Variants in TNKS observed in about 807,000 individuals in gnomAD.
TNKS encodes the protein poly [ADP-ribose] polymerase tankyrase-1.
A neutral mutation model predicts 135.8 loss-of-function variants in TNKS; 72 were observed. That is an observed-to-expected ratio of 0.53 (90% confidence interval 0.44 to 0.64). The LOEUF (loss-of-function observed/expected upper bound fraction) is 0.64, where lower values mean the gene tolerates loss of function less well. TNKS is among the 30% of genes least tolerant of loss of function. The pLI, the probability that TNKS is intolerant of heterozygous loss-of-function variation, is 0.00. For missense variants in TNKS, 1,769 were observed against 1,674.0 expected (o/e 1.06, Z -0.99); for synonymous variants, 849 against 649.3 (o/e 1.31, Z -4.68).
At chr8:9,579,762 G>A (rs1045515557) in intron 1 of TNKS, among the ~76,000 whole-genome samples, 3 of 152,132 alleles carry the variant, frequency 2.0e-5, no homozygotes, top group African/African-American at 7.2e-5. Context: ...ACTGCGCCCG[G>A]CTTATCAGCA....
At chr8:9,667,361 C>T (rs529632671) in intron 3 of TNKS, among the ~76,000 whole-genome samples, 3 of 152,314 alleles carry the variant, frequency 2.0e-5, no homozygotes, top group East Asian at 1.9e-4. Flanking sequence ...AGGAACCAGG[C>T]CATTGTCTGT....
At chr8:9,746,182 G>A (rs1199930608) in intron 17 of TNKS, among the ~76,000 whole-genome samples, 1 of 152,212 alleles carries the variant, frequency 6.6e-6, no homozygotes, top group African/African-American at 2.4e-5. Flanking sequence ...AAATGTGCCA[G>A]TTGCACCAAA....
At chr8:9,736,125 T>C (rs964830906) in intron 17 of TNKS, among the ~76,000 whole-genome samples, 2 of 150,116 alleles carry the variant, frequency 1.3e-5, no homozygotes, top group Non-Finnish European at 3.0e-5. Flanking sequence ...TACCAATTTC[T>C]TAATTCTACC....
intron 2 of TNKS, among the ~76,000 whole-genome samples, chr8:9,584,240 A>G (rs2129054179): frequency 6.6e-6 from 1 of 150,964 alleles, no homozygotes; most frequent in South Asian, 2.1e-4. Context: ...ACTAATTAGT[A>G]TCCAATTCTT....
At chr8:9,639,673 T>G (rs1207238423) in intron 3 of TNKS, among the ~76,000 whole-genome samples, 1 of 152,194 alleles carries the variant, frequency 6.6e-6, no homozygotes, top group African/African-American at 2.4e-5. Flanking sequence ...TAAATAAACT[T>G]AATTTTAACT....
intron 3 of TNKS, among the ~76,000 whole-genome samples, chr8:9,635,680 T>C (rs1800482974): frequency 6.6e-6 from 1 of 152,242 alleles, no homozygotes; most frequent in Non-Finnish European, 1.5e-5. Flanking sequence ...GCAGATGTAA[T>C]ACCTGAGAAG....
At chr8:9,562,195 C>A (rs1364290409) in intron 1 of TNKS, among the ~76,000 whole-genome samples, 3 of 151,780 alleles carry the variant, frequency 2.0e-5, no homozygotes, top group Non-Finnish European at 4.4e-5. Flanking sequence ...GTTGGGTTAT[C>A]TTTTATTATT....
At chr8:9,742,424 T>A (rs1018386491) in intron 17 of TNKS, among the ~76,000 whole-genome samples, 1 of 151,630 alleles carries the variant, frequency 6.6e-6, no homozygotes, top group Admixed American at 6.6e-5. Flanking sequence ...ATACAGTGAC[T>A]CTCAGTTGGT....
chr8:9,604,000 AGAAAT>A (rs1799122992), intron 2 of TNKS, among the ~76,000 whole-genome samples: 1 of 152,002 alleles, frequency 6.6e-6, no homozygotes, highest in African/African-American at 2.4e-5. Context: ...GATTCTAAAA[AGAAAT>A]AAAAAGAGGA....
intron 22 of TNKS, among the ~76,000 whole-genome samples, chr8:9,764,023 C>T (rs1035954297): frequency 3.3e-5 from 5 of 152,026 alleles, no homozygotes; most frequent in East Asian, 3.9e-4. Flanking sequence ...TCATGGGGTC[C>T]GGTGTCTTAC....
At chr8:9,726,551 C>T in intron 12 of TNKS, 90 bp from the exon 13 acceptor site, 4 of 897,608 alleles carry the variant, frequency 4.5e-6, no homozygotes, top group Non-Finnish European at 6.6e-6. Context: ...CTTTGCAATC[C>T]CTCAAGAACC....
chr8:9,747,466 G>A (rs973668586), intron 17 of TNKS, among the ~76,000 whole-genome samples: 6 of 152,022 alleles, frequency 3.9e-5, no homozygotes, highest in South Asian at 2.1e-4. Context: ...TCCTCCACCC[G>A]GCAATCATTT....
Position 9,735,445 on chromosome 8 carries a change from A to G in TNKS, c.2602A>G (p.Lys868Glu). Residue 868 changes from lysine (K) to glutamate (E), a missense_variant, in exon 17 of 27, where the codon AAG becomes GAG. By Grantham distance (56) the Lys-to-Glu change is moderately conservative. This residue lies in a region of TNKS where 722 missense variants were observed against 688.9 expected (regional missense o/e 1.05). Coordinates refer to ENST00000310430, the MANE Select transcript of TNKS (RefSeq NM_003747.3). ...TGGAGCTGATGTTAATGCCCAGGAC[A>G]AGGGTGGTTTAATTCCTCTTCATAA... The part of the protein sequence containing the change: ...EHGADVNAQD[K>E]GGLIPLHNAA... 1 of 1,614,106 alleles carries G rather than the reference A, an allele frequency of 6.2e-7. No individual in the cohort carries two copies. The highest frequency in any genetic ancestry group is 8.5e-7 in the Non-Finnish European group (1 of 1,180,000).
intron 7 of TNKS, 119 bp from the exon 8 acceptor site, chr8:9,706,692 A>C: frequency 1.0e-6 from 1 of 978,832 alleles, no homozygotes; most frequent in South Asian, 1.9e-5. Context: ...TATTGAAGAA[A>C]TTAAAACACT....
chr8:9,572,976 T>C (rs1438631645), intron 1 of TNKS, among the ~76,000 whole-genome samples: 1 of 152,154 alleles, frequency 6.6e-6, no homozygotes, highest in Non-Finnish European at 1.5e-5. Context: ...CTTTTTATTT[T>C]GGATGAAAGT....
chr8:9,756,001 C>T (rs1371267168), intron 20 of TNKS, among the ~76,000 whole-genome samples: 3 of 152,134 alleles, frequency 2.0e-5, no homozygotes, highest in Non-Finnish European at 4.4e-5. Context: ...GTGACTTTGG[C>T]CCTTCCTTTA....
chr8:9,610,318 T>C (rs1473488342), intron 2 of TNKS, among the ~76,000 whole-genome samples: 2 of 151,248 alleles, frequency 1.3e-5, no homozygotes, highest in Non-Finnish European at 2.9e-5. Flanking sequence ...TACTGTATTA[T>C]TACGGTATAA....
chr8:9,629,978 G>C lies in TNKS; in HGVS notation c.994+14301G>C, dbSNP rs533475504. ...ATTACAGACATGAGCCACCGTGTCCGGCCAACTACTTTCTCTTAATATTTA... is the reference window on the plus strand; with the variant it reads ...ATTACAGACATGAGCCACCGTGTCCCGCCAACTACTTTCTCTTAATATTTA... On this transcript the variant is annotated intron_variant, in intron 3 of 26. Coordinates refer to ENST00000310430, the MANE Select transcript of TNKS (RefSeq NM_003747.3). Among the ~76,000 whole-genome samples, 3 of 152,220 alleles carry C rather than the reference G, an allele frequency of 2.0e-5. No individual in the cohort carries two copies. The East Asian group carries it at 5.8e-4, about 29-fold the overall frequency.
chr8:9,776,431 C>T (rs75458613), intron 26 of TNKS, among the ~76,000 whole-genome samples: 6 of 152,252 alleles, frequency 3.9e-5, no homozygotes, highest in South Asian at 2.1e-4. Context: ...TGACAGTATT[C>T]GAAGTAGAAA....
Sources: gnomAD v4.1 joint callset for allele counts (sites outside exome capture counted in the v4.1 genomes callset) on GRCh38, gnomAD v4.1.1 for gene constraint, gnomAD v4.1.1 regional missense constraint, MANE v1.5 for transcripts, NCBI Gene and HGNC (gene_info 2026-07-23, HGNC 2026-07-21) for gene names.